Variants in CSMD1 observed in about 807,000 individuals in gnomAD.
CSMD1 encodes CUB and Sushi multiple domains 1, also known as CUB and sushi domain-containing protein 1.
A neutral mutation model predicts 417.5 loss-of-function variants in CSMD1; 213 were observed. The ratio of observed to expected loss-of-function variants is 0.51; its 90% CI spans 0.46 to 0.57. CSMD1 has a LOEUF of 0.57. Ranked by LOEUF, CSMD1 falls within the 20% of genes least tolerant of loss-of-function variation. CSMD1 has a pLI of 0.00. For synonymous variants in CSMD1, 2,862 were observed against 1,736.8 expected, an observed-to-expected ratio of 1.65 and a Z score of -16.11; for missense variants, 6,923 against 4,529.7, an observed-to-expected ratio of 1.53 and a Z score of -15.17.
intron 2 of CSMD1, among the ~76,000 whole-genome samples, chr8:4,583,969 C>A (rs776101336): frequency 6.6e-6 from 1 of 151,984 alleles, no homozygotes; most frequent in African/African-American, 2.4e-5. Flanking sequence ...ACTCCTGAAG[C>A]CAACGAGACC....
intron 1 of CSMD1, among the ~76,000 whole-genome samples, chr8:4,763,301 C>T (rs921378933): frequency 1.3e-5 from 2 of 152,202 alleles, no homozygotes; most frequent in Non-Finnish European, 2.9e-5. Flanking sequence ...TATAAAGTAA[C>T]TCTTTCCCTC....
At chr8:3,728,166 G>A (rs1369118523) in intron 6 of CSMD1, among the ~76,000 whole-genome samples, 2 of 152,196 alleles carry the variant, frequency 1.3e-5, no homozygotes, top group African/African-American at 4.8e-5. Flanking sequence ...CATGGGTGCT[G>A]TTGCCCCCAT....
intron 3 of CSMD1, among the ~76,000 whole-genome samples, chr8:4,291,237 G>C (rs776482544): frequency 6.6e-6 from 1 of 151,914 alleles, no homozygotes; most frequent in South Asian, 2.1e-4. Context: ...CTTATGATAT[G>C]TGCAAATATT....
intron 5 of CSMD1, among the ~76,000 whole-genome samples, chr8:3,970,096 C>A (rs865926759): frequency 3.3e-5 from 5 of 152,180 alleles, no homozygotes; most frequent in African/African-American, 1.2e-4. Context: ...AAATTAAAAA[C>A]CTTCCTTTGT....
chr8:4,050,247 T>G (rs1386525896), intron 3 of CSMD1, among the ~76,000 whole-genome samples: 1 of 152,136 alleles, frequency 6.6e-6, no homozygotes, highest in Non-Finnish European at 1.5e-5. Flanking sequence ...AACTTCTGTA[T>G]TTTTACTTCC....
chr8:3,152,688 T>C (rs1819273493), intron 39 of CSMD1, among the ~76,000 whole-genome samples: 1 of 152,222 alleles, frequency 6.6e-6, no homozygotes, highest in South Asian at 2.1e-4. Flanking sequence ...ATTTTTGTGG[T>C]GTGAGTCATA....
intron 26 of CSMD1, among the ~76,000 whole-genome samples, chr8:3,266,810 C>G (rs988634020): frequency 6.7e-6 from 1 of 149,210 alleles, no homozygotes; most frequent in African/African-American, 2.5e-5. Context: ...GGACCACCCT[C>G]AGATGAATTG....
At chr8:4,408,433 G>C (rs182747467) in intron 3 of CSMD1, among the ~76,000 whole-genome samples, 1 of 152,184 alleles carries the variant, frequency 6.6e-6, no homozygotes, top group Non-Finnish European at 1.5e-5. Flanking sequence ...TTAAAGAAAA[G>C]AATTGGGAGA....
intron 3 of CSMD1, among the ~76,000 whole-genome samples, chr8:4,086,658 T>C (rs1800437643): frequency 6.6e-6 from 1 of 152,202 alleles, no homozygotes; most frequent in South Asian, 2.1e-4. Context: ...TTTCATTCTT[T>C]CTCATTCATT....
intron 1 of CSMD1, among the ~76,000 whole-genome samples, chr8:4,814,036 A>G (rs1799062265): frequency 6.6e-6 from 1 of 152,250 alleles, no homozygotes; most frequent in Non-Finnish European, 1.5e-5. Context: ...CATTTAAAGG[A>G]GAAAGTAATG....
At chr8:4,388,090 G>A (rs1016910295) in intron 3 of CSMD1, among the ~76,000 whole-genome samples, 2 of 152,030 alleles carry the variant, frequency 1.3e-5, no homozygotes, top group Non-Finnish European at 2.9e-5. Flanking sequence ...AAGTAAACCA[G>A]GACTAAAGAT....
chr8:4,881,117 T>C (rs1803369338), intron 1 of CSMD1, among the ~76,000 whole-genome samples: 1 of 152,082 alleles, frequency 6.6e-6, no homozygotes, highest in Non-Finnish European at 1.5e-5. Context: ...ATTAATAGTA[T>C]CACTGGCAAT....
rs185515805 is a variant in CSMD1, at chr8:4,480,996, C to T, written c.303-60931G>A. Among the ~76,000 whole-genome samples the T allele has an allele frequency of 1.6e-3, 248 of 152,250 alleles. 4 individuals are homozygous for T. Among genetic ancestry groups the T allele is most frequent in the African/African-American group, 5.6e-3 (232 of 41,544 alleles). Reference sequence around the variant, plus strand: ...TTCTTTGGTGCAGTGATTTTTGAAACCTTCACAATAAAACAGCTATTTGTT... The same window carrying T: ...TTCTTTGGTGCAGTGATTTTTGAAATCTTCACAATAAAACAGCTATTTGTT... On this transcript the variant is annotated intron_variant, in intron 2 of 69. Transcript: ENST00000635120.
At chr8:4,726,143 T>C (rs529337851) in intron 1 of CSMD1, among the ~76,000 whole-genome samples, 16 of 152,132 alleles carry the variant, frequency 1.1e-4, no homozygotes, top group African/African-American at 3.9e-4. Context: ...GGGCGAGCCA[T>C]TTGCATCCAG....
chr8:4,161,366 G>C (rs1049908149), intron 3 of CSMD1, among the ~76,000 whole-genome samples: 1 of 152,220 alleles, frequency 6.6e-6, no homozygotes, highest in Non-Finnish European at 1.5e-5. Flanking sequence ...AAAAATGCAG[G>C]CTTTCAGCCA....
rs879767246 is a variant in CSMD1, at chr8:3,903,882, T to C, written c.818+94021A>G. On this transcript the variant is annotated intron_variant, in intron 5 of 69. Coordinates refer to ENST00000635120, the MANE Select transcript of CSMD1 (RefSeq NM_033225.6). ...GGGAGTCATTGCCATATATATATAT[T>C]TTTTTACCTCCACAGGACACGTGGC... 4.6e-5 allele frequency among the ~76,000 whole-genome samples: 7 copies of C among 152,128 alleles called. 1 individual carries two copies. In the East Asian group the frequency reaches 1.4e-3, roughly 29 times the overall value.
chr8:3,895,653 T>G (rs758570526), intron 5 of CSMD1, among the ~76,000 whole-genome samples: 11 of 152,246 alleles, frequency 7.2e-5, no homozygotes, highest in Non-Finnish European at 1.0e-4. Flanking sequence ...AAATAATTAC[T>G]ATATTTGAGA....
chr8:4,947,179 T>A (rs1405331731), intron 1 of CSMD1, among the ~76,000 whole-genome samples: 4 of 152,156 alleles, frequency 2.6e-5, no homozygotes, highest in Non-Finnish European at 5.9e-5. Context: ...CAGAAAAATA[T>A]GTTAACAGAA....
intron 3 of CSMD1, among the ~76,000 whole-genome samples, chr8:4,400,879 T>G (rs1804599890): frequency 6.6e-6 from 1 of 152,012 alleles, no homozygotes. Context: ...TCAACATGGA[T>G]TTACCAGGTG....
Sources: allele counts gnomAD v4.1 joint callset (sites outside exome capture counted in the v4.1 genomes callset), GRCh38; gene constraint gnomAD v4.1.1; transcripts MANE v1.5; gene names NCBI Gene and HGNC (gene_info 2026-07-23, HGNC 2026-07-21).